Variants in DLGAP1 observed in about 807,000 individuals in gnomAD.
DLGAP1 encodes DLG associated protein 1, also known as disks large-associated protein 1.
DLGAP1 carries 11 observed loss-of-function variants against 90.8 expected under a neutral mutation model. That is an observed-to-expected ratio of 0.12 (90% confidence interval 0.08 to 0.20). The LOEUF (loss-of-function observed/expected upper bound fraction) is 0.20, where lower values mean the gene tolerates loss of function less well. Ranked by LOEUF, DLGAP1 falls within the 10% of genes least tolerant of loss-of-function variation. The pLI, the probability that DLGAP1 is intolerant of heterozygous loss-of-function variation, is 1.00. For missense variants in DLGAP1, 1,050 were observed against 1,333.8 expected, an observed-to-expected ratio of 0.79 and a Z score of 3.31; for synonymous variants, 558 against 540.7, an observed-to-expected ratio of 1.03 and a Z score of -0.44.
chr18:3,566,230 G>A (rs752687134), intron 9 of DLGAP1, among the ~76,000 whole-genome samples: 12 of 151,974 alleles, frequency 7.9e-5, no homozygotes, highest in Non-Finnish European at 1.3e-4. Context: ...TGTGATTTTT[G>A]GGTCAATTGG....
intron 1 of DLGAP1, among the ~76,000 whole-genome samples, chr18:4,311,755 G>T (rs774433143): frequency 1.3e-5 from 2 of 151,964 alleles, no homozygotes; most frequent in African/African-American, 4.8e-5. Context: ...TCGCTCTGTC[G>T]CCCAGGCTGG....
intron 2 of DLGAP1, among the ~76,000 whole-genome samples, chr18:4,116,319 C>A (rs113052234): frequency 6.6e-6 from 1 of 152,054 alleles, no homozygotes; most frequent in South Asian, 2.1e-4. Context: ...TGTGTCCGAG[C>A]GTGAATTTCT....
intron 3 of DLGAP1, among the ~76,000 whole-genome samples, chr18:4,001,095 C>A (rs1011820950): frequency 1.5e-5 from 2 of 136,746 alleles, no homozygotes; most frequent in Admixed American, 7.9e-5. Context: ...TGTTTTAAAT[C>A]TTTTTATTTT....
At chr18:3,804,222 T>C (rs1236049639) in intron 5 of DLGAP1, among the ~76,000 whole-genome samples, 3 of 152,058 alleles carry the variant, frequency 2.0e-5, no homozygotes, top group African/African-American at 7.2e-5. Context: ...TGGCCTCAAG[T>C]GATCTGCCTG....
At chr18:3,735,920 A>C (rs1489031169) in intron 6 of DLGAP1, among the ~76,000 whole-genome samples, 1 of 152,020 alleles carries the variant, frequency 6.6e-6, no homozygotes, top group African/African-American at 2.4e-5. Context: ...CAATTAATTT[A>C]TCTAGGTTTC....
At chr18:3,748,086 G>A (rs996901992) in intron 5 of DLGAP1, among the ~76,000 whole-genome samples, 21 of 152,314 alleles carry the variant, frequency 1.4e-4, no homozygotes, top group African/African-American at 5.1e-4. Context: ...CTAACGAAAT[G>A]GCACTCTTCT....
intron 9 of DLGAP1, among the ~76,000 whole-genome samples, chr18:3,551,788 C>A (rs1339817682): frequency 8.0e-6 from 1 of 124,684 alleles, no homozygotes; most frequent in African/African-American, 3.0e-5. Flanking sequence ...TCCTTTTTTT[C>A]TTTCTTTTGA....
intron 1 of DLGAP1, among the ~76,000 whole-genome samples, chr18:4,226,755 TGACCTTCACTAAAA>T (rs1485720740): frequency 2.3e-5 from 3 of 130,690 alleles, no homozygotes; most frequent in Non-Finnish European, 3.3e-5. Flanking sequence ...CAAGAGAAAA[TGACCTTCACTAAAA>T]GGAAGCCAGG....
intron 4 of DLGAP1, among the ~76,000 whole-genome samples, chr18:3,836,068 A>T (rs1369623560): frequency 6.6e-6 from 1 of 152,374 alleles, no homozygotes; most frequent in South Asian, 2.1e-4. Context: ...ACGATTCCAC[A>T]GAGTTCAAGA....
At chr18:3,939,408 TTC>T (rs1183667766) in intron 3 of DLGAP1, among the ~76,000 whole-genome samples, 2 of 99,244 alleles carry the variant, frequency 2.0e-5, no homozygotes, top group African/African-American at 8.9e-5. Context: ...CAGAGTGAGA[TTC>T]TGTCTCAAAA....
intron 1 of DLGAP1, among the ~76,000 whole-genome samples, chr18:4,356,719 G>C (rs1356302691): frequency 6.6e-6 from 1 of 152,066 alleles, no homozygotes; most frequent in African/African-American, 2.4e-5. Flanking sequence ...TGCCTGTTCC[G>C]TGCAGTAAAC....
intron 9 of DLGAP1, among the ~76,000 whole-genome samples, chr18:3,549,602 A>G (rs895132720): frequency 6.6e-6 from 1 of 151,970 alleles, no homozygotes; most frequent in Admixed American, 6.6e-5. Flanking sequence ...AAGTTTTGGG[A>G]TCACAGGCGT....
intron 5 of DLGAP1, among the ~76,000 whole-genome samples, chr18:3,790,793 T>A (rs1156739447): frequency 2.6e-5 from 4 of 151,882 alleles, no homozygotes; most frequent in African/African-American, 7.3e-5. Context: ...CGGCAGGCAG[T>A]GGGGAAGGTT....
intron 2 of DLGAP1, among the ~76,000 whole-genome samples, chr18:4,064,243 CA>C (rs2075339619): frequency 6.6e-6 from 1 of 151,812 alleles, no homozygotes; most frequent in Admixed American, 6.6e-5. Flanking sequence ...GTTCTTATCA[CA>C]AAACTATATA....
chr18:4,316,953 C>T (rs1320440973), intron 1 of DLGAP1, among the ~76,000 whole-genome samples: 2 of 152,150 alleles, frequency 1.3e-5, no homozygotes, highest in African/African-American at 4.8e-5. Flanking sequence ...GCTTTTTCTA[C>T]CAGCAGTCCC....
intron 7 of DLGAP1, among the ~76,000 whole-genome samples, chr18:3,664,514 T>C (rs910164995): frequency 6.6e-6 from 1 of 152,176 alleles, no homozygotes; most frequent in Admixed American, 6.5e-5. Flanking sequence ...GTTCTACTAA[T>C]ATTGAATGCA....
At chr18:3,907,337 G>A (rs753419403) in intron 3 of DLGAP1, among the ~76,000 whole-genome samples, 1 of 152,162 alleles carries the variant, frequency 6.6e-6, no homozygotes, top group Non-Finnish European at 1.5e-5. Flanking sequence ...TTGAACCTCA[G>A]TTTATAAAAC....
chr18:3,501,949 GAAAAAAAAAA>G (rs36071304), intron 12 of DLGAP1, among the ~76,000 whole-genome samples: 2 of 109,374 alleles, frequency 1.8e-5, no homozygotes, highest in Non-Finnish European at 3.6e-5. Context: ...AAACTGTTTT[GAAAAAAAAAA>G]AAAAAAAAAA....
intron 7 of DLGAP1, among the ~76,000 whole-genome samples, chr18:3,659,854 G>A (rs1012202982): frequency 2.6e-5 from 4 of 152,238 alleles, no homozygotes; most frequent in South Asian, 2.1e-4. Context: ...ATGAGCCACC[G>A]CGCCCGGCCT....
Sources: gnomAD v4.1 joint callset for allele counts (sites outside exome capture counted in the v4.1 genomes callset) on GRCh38, gnomAD v4.1.1 for gene constraint, MANE v1.5 for transcripts, NCBI Gene and HGNC (gene_info 2026-07-23, HGNC 2026-07-21) for gene names.